ANKRD26: variants seen among roughly 807,000 people sequenced by gnomAD.
ANKRD26 encodes ankyrin repeat domain 26.
In ANKRD26, 141 loss-of-function variants were observed where a neutral mutation model predicts 208.7. The observed-to-expected ratio is 0.68, with a 90% CI of 0.59 to 0.78. The LOEUF (loss-of-function observed/expected upper bound fraction) is 0.78. Among genes scored for constraint, ANKRD26 ranks in the 30% least tolerant of loss-of-function variants. The pLI is 0.00. For synonymous variants in ANKRD26, 636 were observed against 660.4 expected, an observed-to-expected ratio of 0.96 and a Z score of 0.57; for missense variants, 1,889 against 1,938.7, an observed-to-expected ratio of 0.97 and a Z score of 0.48.
chr10:27,061,100 T>C, intron 13 of ANKRD26, 44 bp downstream of exon 13: 1 of 1,356,602 alleles, frequency 7.4e-7, no homozygotes, highest in Non-Finnish European at 1.1e-6. Context: ...GGATATACAC[T>C]TGTAGAATAA....
Position 27,092,581 on chromosome 10 carries a change from T to C in ANKRD26, c.532-69A>G, listed in dbSNP as rs1313843006. On this transcript the variant is annotated intron_variant, in intron 3 of 33. Coordinates refer to ENST00000376087, the MANE Select transcript of ANKRD26 (RefSeq NM_014915.3). ...ATTCTCGGCTGAACTGAAAACTCTATGTCAGATCCTTTGAACTGAAACATA... is the reference window on the plus strand; with the variant it reads ...ATTCTCGGCTGAACTGAAAACTCTACGTCAGATCCTTTGAACTGAAACATA... 1.6e-5 allele frequency: 18 copies of C among 1,159,596 alleles called. No individual in the cohort carries two copies. The Admixed American group carries it at 3.1e-4, about 20-fold the overall frequency. 71.8% of individuals were successfully genotyped at this position (1,159,596 alleles called of 1,614,324 possible). A position where few individuals can be genotyped will look rare whatever the true frequency, so the allele number is the denominator to read the frequency against.
At chr10:27,044,058 T>C in intron 19 of ANKRD26, 99 bp downstream of exon 19, 1 of 904,498 alleles carries the variant, frequency 1.1e-6, no homozygotes, top group Non-Finnish European at 1.5e-6. Flanking sequence ...CCTTCCAAAG[T>C]GCTGAGATTA....
intron 20 of ANKRD26, 84 bp from the exon 21 acceptor site, chr10:27,040,262 A>G (rs2054189266): frequency 1.0e-6 from 1 of 986,386 alleles, no homozygotes; most frequent in Admixed American, 2.1e-5. Flanking sequence ...ACTCATTAAG[A>G]CACTGACCAA....
chr10:27,053,208 G>A (rs2054722610), intron 16 of ANKRD26, 112 bp downstream of exon 16: 1 of 751,808 alleles, frequency 1.3e-6, no homozygotes, highest in African/African-American at 1.8e-5. Context: ...ATTAAATGAT[G>A]ATCTATTGAT....
chr10:26,966,164 TATAAAGACAC>T, the ANKRD26 span, among the ~76,000 whole-genome samples: 1 of 152,186 alleles, frequency 6.6e-6, no homozygotes, highest in South Asian at 2.1e-4. Flanking sequence ...GTCATTCTAC[TATAAAGACAC>T]ATGCACACGT....
At chr10:27,051,638 T>C in intron 16 of ANKRD26, 1 of 985,374 alleles carries the variant, frequency 1.0e-6, no homozygotes, top group South Asian at 4.7e-5. Context: ...GCTTAGAAGA[T>C]GACTGGCAAG....
intron 5 of ANKRD26, among the ~76,000 whole-genome samples, chr10:26,994,393 G>C (rs887375222): frequency 6.6e-6 from 1 of 152,162 alleles, no homozygotes; most frequent in Non-Finnish European, 1.5e-5. Context: ...CAATGGGTCT[G>C]ATGATGAACA....
At chr10:27,099,491 T>C (rs578237943) in intron 1 of ANKRD26, among the ~76,000 whole-genome samples, 1 of 150,248 alleles carries the variant, frequency 6.7e-6, no homozygotes, top group East Asian at 2.0e-4. Context: ...CATACCTCAC[T>C]GCAGCCTAGA....
chr10:26,959,290 A>C, the ANKRD26 span, among the ~76,000 whole-genome samples: 22 of 151,936 alleles, frequency 1.4e-4, no homozygotes, highest in Admixed American at 1.1e-3. Flanking sequence ...AAAAAAAAAA[A>C]AAGAAAGAAA....
downstream of ANKRD26, among the ~76,000 whole-genome samples, chr10:26,989,886 A>T (rs2134661762): frequency 6.6e-6 from 1 of 152,210 alleles, no homozygotes; most frequent in South Asian, 2.1e-4. Context: ...GGCGGGGTAA[A>T]GTGGGGGTGT....
chr10:27,067,834 C>T lies in ANKRD26; in HGVS notation c.1078-548G>A, dbSNP rs546001804. 2.3e-4 allele frequency among the ~76,000 whole-genome samples: 35 copies of T among 152,194 alleles called. No homozygotes were observed. In the South Asian group the frequency reaches 7.3e-3, roughly 32 times the overall value. On this transcript the variant is annotated intron_variant, in intron 9 of 33. Coordinates refer to ENST00000376087, the MANE Select transcript of ANKRD26 (RefSeq NM_014915.3). ...TTCCAAACTATACCAGTCAGTAAGA[C>T]AATAAGCACTTATGTGTCTATCACA...
intron 15 of ANKRD26, among the ~76,000 whole-genome samples, chr10:27,057,916 A>T (rs1554785794): frequency 1.3e-5 from 2 of 151,218 alleles, no homozygotes; most frequent in Non-Finnish European, 2.9e-5. Flanking sequence ...CAGCCGGGTG[A>T]CAGAGCGAGA....
chr10:26,951,983 C>T, the ANKRD26 span, among the ~76,000 whole-genome samples: 318 of 97,108 alleles, frequency 3.3e-3, no homozygotes, highest in South Asian at 6.1e-3. Context: ...ACTCTTTATT[C>T]TTCTTTATCT....
intron 31 of ANKRD26, among the ~76,000 whole-genome samples, chr10:27,014,089 G>T (rs1488639837): frequency 1.3e-5 from 2 of 152,146 alleles, no homozygotes; most frequent in Non-Finnish European, 1.5e-5. Context: ...AGAATGTGCA[G>T]AGTAGTAGTG....
At chr10:26,951,566 CAGTTTTT>C in the ANKRD26 span, among the ~76,000 whole-genome samples, 2 of 152,134 alleles carry the variant, frequency 1.3e-5, no homozygotes, top group African/African-American at 4.8e-5. Context: ...GTACACAGGA[CAGTTTTT>C]AGTTTCTATA....
At chr10:27,008,395 T>C (rs1006602009) in intron 32 of ANKRD26, among the ~76,000 whole-genome samples, 4 of 152,104 alleles carry the variant, frequency 2.6e-5, no homozygotes. Context: ...GTAAAAGTAA[T>C]AACTCAATAC....
intron 17 of ANKRD26, among the ~76,000 whole-genome samples, chr10:27,046,889 T>C (rs2054466848): frequency 6.6e-6 from 1 of 151,836 alleles, no homozygotes. Flanking sequence ...ATAGAGGAGT[T>C]CATGAGACAA....
the ANKRD26 span, among the ~76,000 whole-genome samples, chr10:26,956,352 C>T: frequency 1.3e-5 from 2 of 152,092 alleles, no homozygotes; most frequent in Non-Finnish European, 2.9e-5. Context: ...CTAATAAGAA[C>T]TAATTTTTCC....
chr10:27,018,956 G>A (rs1332979015), intron 29 of ANKRD26, among the ~76,000 whole-genome samples: 2 of 152,060 alleles, frequency 1.3e-5, no homozygotes, highest in African/African-American at 2.4e-5. Context: ...TTTCAAAACC[G>A]TAGGCAAAAA....
Sources: allele counts gnomAD v4.1 joint callset (sites outside exome capture counted in the v4.1 genomes callset), GRCh38; gene constraint gnomAD v4.1.1; transcripts MANE v1.5; gene names NCBI Gene and HGNC (gene_info 2026-07-23, HGNC 2026-07-21).